KMT2E: variants seen among roughly 807,000 people sequenced by gnomAD.
KMT2E encodes lysine methyltransferase 2E (inactive), also known as histone reader KMT2E.
A neutral mutation model predicts 184.6 loss-of-function variants in KMT2E; 30 were observed. That is an observed-to-expected ratio of 0.16 (90% confidence interval 0.12 to 0.22). KMT2E has a LOEUF of 0.22. Among genes scored for constraint, KMT2E ranks in the 10% least tolerant of loss-of-function variants. KMT2E has a pLI of 1.00. For synonymous variants in KMT2E, 815 were observed against 776.5 expected, an observed-to-expected ratio of 1.05 and a Z score of -0.82; for missense variants, 2,023 against 2,237.4, an observed-to-expected ratio of 0.90 and a Z score of 1.93.
intron 8 of KMT2E, 67 bp downstream of exon 8, chr7:105,074,882 A>G (rs1797463743): frequency 1.7e-6 from 2 of 1,166,774 alleles, no homozygotes; most frequent in Non-Finnish European, 1.2e-6. Context: ...TTTATAGGAG[A>G]GGCAGGAGAG....
At chr7:105,066,453 G>A (rs149613723) in intron 5 of KMT2E, among the ~76,000 whole-genome samples, 1 of 152,078 alleles carries the variant, frequency 6.6e-6, no homozygotes, top group Non-Finnish European at 1.5e-5. Context: ...TCTACATTGT[G>A]ATTTCTAATA....
Position 105,113,110 on chromosome 7 carries a change from A to G in KMT2E, c.5354A>G (p.His1785Arg). 1 of 1,614,158 alleles carries G rather than the reference A, an allele frequency of 6.2e-7. No homozygotes were observed. Among genetic ancestry groups the G allele is most frequent in the Non-Finnish European group, 8.5e-7 (1 of 1,180,028 alleles). Reference protein sequence around the residue: ...PQHQPSGTGPHCPLPVTGPHL... With the variant: ...PQHQPSGTGPRCPLPVTGPHL... ...CACCAGCCTTCTGGAACAGGGCCAC[A>G]TTGTCCATTACCTGTCACAGGTCCT... Residue 1785 changes from histidine to arginine, a missense_variant, in exon 27 of 27, where the codon CAT (histidine) becomes CGT (arginine). Physicochemically the swap from His to Arg is conservative, Grantham distance 29. This residue lies in a region of KMT2E where 1,108 missense variants were observed against 1,050.9 expected (regional missense o/e 1.05). Coordinates refer to ENST00000311117, the MANE Select transcript of KMT2E (RefSeq NM_182931.3).
chr7:105,026,013 G>A (rs1334405789), intron 1 of KMT2E, among the ~76,000 whole-genome samples: 1 of 152,162 alleles, frequency 6.6e-6, no homozygotes, highest in African/African-American at 2.4e-5. Context: ...CAGAATTCTA[G>A]TCAGGGGAGC....
intron 3 of KMT2E, among the ~76,000 whole-genome samples, chr7:105,052,219 A>C (rs1164951341): frequency 1.4e-4 from 22 of 151,994 alleles, no homozygotes; most frequent in Non-Finnish European, 2.9e-5. Context: ...TGTTCTTTTG[A>C]ATATTTTACA....
intron 1 of KMT2E, among the ~76,000 whole-genome samples, chr7:105,020,803 G>A (rs928905176): frequency 2.0e-5 from 3 of 152,130 alleles, no homozygotes; most frequent in Non-Finnish European, 2.9e-5. Context: ...TTTGGCCTAA[G>A]ATGAAGCCTA....
chr7:105,100,006 G>T (rs1584795123), intron 15 of KMT2E, among the ~76,000 whole-genome samples: 2 of 152,152 alleles, frequency 1.3e-5, no homozygotes, highest in African/African-American at 2.4e-5. Flanking sequence ...TGTAAGGAAA[G>T]AACTCAGCTG....
chr7:105,017,509 G>A (rs1183277256), intron 1 of KMT2E, among the ~76,000 whole-genome samples: 1 of 123,652 alleles, frequency 8.1e-6, no homozygotes, highest in Non-Finnish European at 1.7e-5. Context: ...ACCTTATTTT[G>A]AATGGTTACT....
chr7:105,081,426 A>T (rs1015065558), intron 12 of KMT2E, among the ~76,000 whole-genome samples: 88 of 148,700 alleles, frequency 5.9e-4, no homozygotes, highest in African/African-American at 1.8e-3. Flanking sequence ...TAGTATTTTT[A>T]TTATTATTAT....
At chr7:105,097,201 T>C (rs904719752) in intron 15 of KMT2E, among the ~76,000 whole-genome samples, 7 of 152,208 alleles carry the variant, frequency 4.6e-5, no homozygotes, top group African/African-American at 1.4e-4. Flanking sequence ...TAGGATAAGT[T>C]TGTTGCCAGA....
Position 105,076,875 on chromosome 7 carries a change from TGTGTGTGTG to T in KMT2E, c.769-87_769-79del. On this transcript the variant is annotated intron_variant, in intron 9 of 26. Coordinates refer to ENST00000311117, the MANE Select transcript of KMT2E (RefSeq NM_182931.3). ...TTTGTATAGATTGCCGTTAATTTTGTGTGTGTGTGTGTGTGTGTGTGTGTGTGTGTGTGT... is the reference window on the plus strand; with the variant it reads ...TTTGTATAGATTGCCGTTAATTTTGTTGTGTGTGTGTGTGTGTGTGTGTGT... 6 of 14,800 alleles carry T rather than the reference TGTGTGTGTG, an allele frequency of 4.1e-4. No homozygotes were observed. In the Admixed American group the frequency reaches 8.2e-3, roughly 20 times the overall value. 0.9% of individuals were successfully genotyped at this position (14,800 alleles called of 1,614,324 possible).
chr7:105,108,057 T>C, intron 22 of KMT2E, 132 bp downstream of exon 22: 2 of 626,880 alleles, frequency 3.2e-6, no homozygotes, highest in South Asian at 4.3e-5. Context: ...TTTTAATATT[T>C]TTAAACCTTT....
Position 105,078,952 on chromosome 7 carries a change from C to G in KMT2E, c.1237C>G (p.Pro413Ala). Residue 413 changes from proline (P) to alanine (A), a missense_variant, in exon 12 of 27, where the codon CCC becomes GCC. By Grantham distance (27) the Pro-to-Ala change is conservative. Transcript: ENST00000311117. ...EARFIRRSCT[P>A]NAEVRHEIQD... ...TCGATTCATCAGGCGGTCTTGTACA[C>G]CCAATGCAGAGGTAAGCTTATAGAA... The G allele has an allele frequency of 6.3e-7, 1 of 1,591,596 alleles. No individual in the cohort carries two copies. Among genetic ancestry groups the G allele is most frequent in the Middle Eastern group, 1.7e-4 (1 of 6,014 alleles).
In KMT2E at chr7:105,112,028, A is replaced by G; in HGVS notation, c.4272A>G (p.Ser1424=). 6.2e-7 allele frequency: 1 copy of G among 1,614,226 alleles called. No homozygotes were observed. Among genetic ancestry groups the G allele is most frequent in the South Asian group, 1.1e-5 (1 of 91,080 alleles). ...NHPPQTHVRN[S]SEQLSQKLPS... is the part of the protein sequence containing the mutation. ...CTCCTCAGACACACGTTCGTAATTC[A>G]TCTGAGCAACTTTCACAAAAGCTGC... The change falls in exon 27 of 27, where the codon TCA becomes TCG. Residue 1424 remains serine (S), a synonymous_variant. Coordinates refer to ENST00000311117, the MANE Select transcript of KMT2E (RefSeq NM_182931.3).
chr7:105,081,970 A>G (rs1797777203), intron 13 of KMT2E, among the ~76,000 whole-genome samples, 173 bp downstream of exon 13: 1 of 152,228 alleles, frequency 6.6e-6, no homozygotes, highest in South Asian at 2.1e-4. Flanking sequence ...CAGCATTGCT[A>G]CTTTTCATTT....
At chr7:105,070,050 A>G (rs1231451758) in intron 6 of KMT2E, among the ~76,000 whole-genome samples, 1 of 152,156 alleles carries the variant, frequency 6.6e-6, no homozygotes, top group African/African-American at 2.4e-5. Flanking sequence ...CATGGTATAT[A>G]TGTACCATAG....
rs1333887750 is a variant in KMT2E, at chr7:105,113,599, TC to T, written c.*267del. The T allele has an allele frequency of 3.8e-5, 12 of 317,734 alleles. No homozygotes were observed. The highest frequency in any genetic ancestry group is 2.4e-4 in the East Asian group (4 of 16,834). 19.7% of individuals were successfully genotyped at this position (317,734 alleles called of 1,614,324 possible). ...CTGATGCTGATTTGATGCTGTATGA[TC>T]TTTTTTTTTTTTTTAGTTAAATTCA... On this transcript the variant is annotated 3_prime_UTR_variant, in exon 27 of 27. Transcript: ENST00000311117.
In KMT2E at chr7:105,063,418, G is replaced by C; in HGVS notation, c.254G>C (p.Ser85Thr). ...TCCCCTCCTCCATCAGTCCTTATTA[G>C]CAAAAATGAAGTAGGCATATTTACC... ...PASPPPSVLISKNEVGIFTTP... is the reference protein window; with the variant it reads ...PASPPPSVLITKNEVGIFTTP... Residue 85 changes from serine (S) to threonine (T), a missense_variant, in exon 5 of 27, where the codon AGC (serine) becomes ACC (threonine). By Grantham distance (58) the Ser-to-Thr change is moderately conservative. Coordinates refer to ENST00000311117, the MANE Select transcript of KMT2E (RefSeq NM_182931.3). 6.2e-7 allele frequency: 1 copy of C among 1,613,628 alleles called. No individual in the cohort carries two copies. The highest frequency in any genetic ancestry group is 8.5e-7 in the Non-Finnish European group (1 of 1,179,846).
At chr7:105,085,531 A>G (rs1239825687) in intron 13 of KMT2E, among the ~76,000 whole-genome samples, 2 of 148,802 alleles carry the variant, frequency 1.3e-5, no homozygotes, top group African/African-American at 2.5e-5. Flanking sequence ...CTGGGCAACA[A>G]TAGCAAAACA....
intron 3 of KMT2E, among the ~76,000 whole-genome samples, chr7:105,059,904 ATTTCT>A (rs1328273715): frequency 6.7e-6 from 1 of 148,946 alleles, no homozygotes; most frequent in African/African-American, 2.5e-5. Flanking sequence ...ATTAAGAAAC[ATTTCT>A]TTTAAAATAA....
Sources: allele counts gnomAD v4.1 joint callset (sites outside exome capture counted in the v4.1 genomes callset), GRCh38; gene constraint gnomAD v4.1.1; regional missense constraint gnomAD v4.1.1; transcripts MANE v1.5; gene names NCBI Gene and HGNC (gene_info 2026-07-23, HGNC 2026-07-21).